ANPEP: variants seen among roughly 807,000 people sequenced by gnomAD.
ANPEP encodes the protein aminopeptidase N.
ANPEP carries 70 observed loss-of-function variants against 114.6 expected under a neutral mutation model. That is an observed-to-expected ratio of 0.61 (90% CI 0.50 to 0.75). The LOEUF (loss-of-function observed/expected upper bound fraction) is 0.75, where lower values mean the gene tolerates loss of function less well. ANPEP is among the 30% of genes least tolerant of loss of function. The pLI, the probability that ANPEP is intolerant of heterozygous loss-of-function variation, is 0.00. For synonymous variants in ANPEP, 548 were observed against 522.3 expected (o/e 1.05, Z -0.67); for missense variants, 1,184 against 1,259.5 (o/e 0.94, Z 0.91).
intron 20 of ANPEP, among the ~76,000 whole-genome samples, chr15:89,788,344 C>G (rs1429455217): frequency 6.6e-6 from 1 of 152,134 alleles, no homozygotes; most frequent in Admixed American, 6.5e-5. Flanking sequence ...AAACATTACA[C>G]TAAGTGAAAG....
At chr15:89,812,730 C>T (rs1894837499) in intron 1 of ANPEP, among the ~76,000 whole-genome samples, 2 of 152,026 alleles carry the variant, frequency 1.3e-5, no homozygotes, top group African/African-American at 4.8e-5. Context: ...CCCCATTTGG[C>T]AAATGAGGAC....
chr15:89,788,257 T>G (rs1040593478), intron 20 of ANPEP, among the ~76,000 whole-genome samples: 1 of 152,134 alleles, frequency 6.6e-6, no homozygotes, highest in Non-Finnish European at 1.5e-5. Context: ...GAAAACAAAA[T>G]GTGGTACATC....
In ANPEP at chr15:89,806,935, C is replaced by G; in HGVS notation, c.-223-129G>C. The stretch of plus-strand genomic sequence containing the variant: ...AGCGGCCAGGTGGCATTGCATTGAT[C>G]TGCTTGAGAGCTGAGAGGGTGGGAA... On this transcript the variant is annotated intron_variant, in intron 1 of 20. Coordinates refer to ENST00000300060, the MANE Select transcript of ANPEP (RefSeq NM_001150.3). This position sits in a 1 kb window ranked among gnomAD's most constrained non-coding sequence, Gnocchi z 5.7. 1 of 264,678 alleles carries G rather than the reference C, an allele frequency of 3.8e-6. No homozygotes were observed. The allele number at this position is 264,678 out of a possible 1,614,324, so 16.4% of individuals were successfully genotyped here.
chr15:89,787,081 T>C (rs1968521344), intron 20 of ANPEP, among the ~76,000 whole-genome samples: 1 of 144,116 alleles, frequency 6.9e-6, no homozygotes, highest in Admixed American at 7.5e-5. Context: ...AGTCTTGCTC[T>C]GTCATCCAGG....
At chr15:89,810,550 G>A (rs575883140) in intron 1 of ANPEP, among the ~76,000 whole-genome samples, 4 of 151,252 alleles carry the variant, frequency 2.6e-5, no homozygotes, top group East Asian at 1.9e-4. Flanking sequence ...CAGTCTGGAC[G>A]ACAACAGAAC....
chr15:89,808,821 G>C (rs980806220), intron 1 of ANPEP, among the ~76,000 whole-genome samples: 1 of 152,220 alleles, frequency 6.6e-6, no homozygotes, highest in African/African-American at 2.4e-5. Flanking sequence ...AATGCAATGT[G>C]TGAACTGAAG....
chr15:89,804,891 C>G, intron 4 of ANPEP, 187 bp downstream of exon 4: 1 of 918,630 alleles, frequency 1.1e-6, no homozygotes, highest in South Asian at 1.7e-5. Context: ...GAAGAGAAAC[C>G]ATTGTTTTCA....
At chr15:89,791,529 C>T (rs1387499452) in intron 18 of ANPEP, among the ~76,000 whole-genome samples, 1 of 151,858 alleles carries the variant, frequency 6.6e-6, no homozygotes, top group Non-Finnish European at 1.5e-5. Flanking sequence ...CCTTCGCCTG[C>T]CAGGTTCAAG....
In ANPEP at chr15:89,805,985, T is replaced by C; in HGVS notation, c.599A>G (p.Glu200Gly). The C allele has an allele frequency of 6.3e-7, 1 of 1,593,100 alleles. No homozygotes were observed. The highest frequency in any genetic ancestry group is 8.6e-7 in the Non-Finnish European group (1 of 1,165,836). ...CGGAACTCACTTTCTGACATTGCCC[T>C]CCATGTACTCGCTGCGGTAGAAGCC... ...LAGFYRSEYM[E>G]GNVRKVVATT... is the part of the protein sequence containing the mutation. Residue 200 changes from glutamate to glycine, a missense_variant, in exon 2 of 21, where the codon GAG becomes GGG. Transcript: ENST00000300060.
Position 89,811,142 on chromosome 15 carries a change from G to GCCTT in ANPEP, c.-224+3626_-224+3629dup, listed in dbSNP as rs1460130472. 2.6e-5 allele frequency among the ~76,000 whole-genome samples: 4 copies of GCCTT among 152,370 alleles called. No individual in the cohort carries two copies. In the South Asian group the frequency reaches 8.3e-4, roughly 32 times the overall value. On this transcript the variant is annotated intron_variant, in intron 1 of 20. Transcript: ENST00000300060. ...CAGCAGTTAAGGATGGAACTTCAGA[G>GCCTT]CCTTGATCCTCGGGACAGGTTCCAC...
rs149141798 is a variant in ANPEP at position 89,796,793 on chromosome 15, G to A, written c.2157+782C>T. On this transcript the variant is annotated intron_variant, in intron 15 of 20. Coordinates refer to ENST00000300060, the MANE Select transcript of ANPEP (RefSeq NM_001150.3). Reference sequence around the variant, plus strand: ...TACAGGCATGAGCCCCACTGCACCCGGCCTGATAATTGAACATTTTTTAAT... The same window carrying A: ...TACAGGCATGAGCCCCACTGCACCCAGCCTGATAATTGAACATTTTTTAAT... Among the ~76,000 whole-genome samples, 25 of 151,964 alleles carry A rather than the reference G, an allele frequency of 1.6e-4. No individual in the cohort carries two copies. The East Asian group carries it at 2.9e-3, about 18-fold the overall frequency.
intron 20 of ANPEP, 108 bp from the exon 21 acceptor site, chr15:89,785,609 T>G: frequency 6.1e-6 from 9 of 1,480,050 alleles, no homozygotes; most frequent in Non-Finnish European, 8.3e-6. Flanking sequence ...TCCCCATGGA[T>G]GGGACCACAC....
rs1894725292 is a variant in ANPEP, at chr15:89,806,780, G to A, written c.-197C>T. ...CCTGGGGAGAGGAGATCCAGGAACG[G>A]TGTGTGGAGCTGGGCTCGGGGGGTG... On this transcript the variant is annotated 5_prime_UTR_variant, in exon 2 of 21. Transcript: ENST00000300060. This position sits in a 1 kb window ranked among gnomAD's most constrained non-coding sequence, Gnocchi z 5.7. 2 of 876,006 alleles carry A rather than the reference G, an allele frequency of 2.3e-6. No homozygotes were observed. The highest frequency in any genetic ancestry group is 4.0e-5 in the South Asian group (2 of 50,276). 54.3% of individuals were successfully genotyped at this position (876,006 alleles called of 1,614,324 possible). A position where few individuals can be genotyped will look rare whatever the true frequency, so the allele number is the denominator to read the frequency against.
intron 2 of ANPEP, 27 bp from the exon 3 acceptor site, chr15:89,805,490 G>A (rs967491568): frequency 6.2e-7 from 1 of 1,612,630 alleles, no homozygotes; most frequent in East Asian, 2.2e-5. Flanking sequence ...GTTAGAGGGT[G>A]TGCCAGAGCT....
intron 1 of ANPEP, among the ~76,000 whole-genome samples, chr15:89,811,102 T>C (rs773617945): frequency 4.6e-5 from 7 of 152,186 alleles, no homozygotes; most frequent in African/African-American, 9.7e-5. Context: ...GGGGCATCAG[T>C]GCAAGAATGA....
At chr15:89,790,312 G>C (rs138998983) in intron 20 of ANPEP, 148 bp downstream of exon 20, 2 of 630,280 alleles carry the variant, frequency 3.2e-6, no homozygotes, top group East Asian at 5.7e-5. Flanking sequence ...CATTTCCAAA[G>C]TCTGGCTACT....
chr15:89,785,634 A>G, intron 20 of ANPEP, 133 bp from the exon 21 acceptor site: 2 of 1,298,792 alleles, frequency 1.5e-6, no homozygotes, highest in Non-Finnish European at 2.1e-6. Flanking sequence ...TTCCAGGGAT[A>G]GGCAGGACGT....
rs1028569349 is a variant in ANPEP, at chr15:89,801,541, G to C, written c.1636C>G (p.Gln546Glu). ...ACCGTGATGACCGGGAAGCCCATCT[G>C]CAGGGTCCAGCGGTTCATGATGTCC... ...VRDIMNRWTL[Q>E]MGFPVITVDT... The change falls in exon 11 of 21, where the codon CAG (glutamine) becomes GAG (glutamate). Residue 546 changes from glutamine to glutamate, a missense_variant. Gln to Glu is a conservative substitution (Grantham distance 29). Coordinates refer to ENST00000300060, the MANE Select transcript of ANPEP (RefSeq NM_001150.3). 6.2e-7 allele frequency: 1 copy of C among 1,614,084 alleles called. No homozygotes were observed. The highest frequency in any genetic ancestry group is 1.7e-5 in the Admixed American group (1 of 60,010).
intron 6 of ANPEP, 124 bp from the exon 7 acceptor site, chr15:89,804,126 C>A (rs1596168671): frequency 1.3e-6 from 2 of 1,548,502 alleles, no homozygotes; most frequent in Non-Finnish European, 1.8e-6. Context: ...CATCGTGACC[C>A]CTTCCTGCTG....
Sources: allele counts gnomAD v4.1 joint callset (sites outside exome capture counted in the v4.1 genomes callset), GRCh38; gene constraint gnomAD v4.1.1; non-coding constraint Gnocchi (gnomAD v3.1); transcripts MANE v1.5; gene names NCBI Gene and HGNC (gene_info 2026-07-23, HGNC 2026-07-21).